The following TMEM161A variants were observed in gnomAD, a reference collection of about 807,000 sequenced individuals.
TMEM161A encodes adaptive response to oxidative stress protein 29.
In TMEM161A, 46 loss-of-function variants were observed where a neutral mutation model predicts 57.1. That is an observed-to-expected ratio of 0.81 (90% CI 0.64 to 1.03). The LOEUF (loss-of-function observed/expected upper bound fraction) is 1.03. TMEM161A is among the 50% of genes least tolerant of loss of function. The pLI is 0.00. For synonymous variants in TMEM161A, 288 were observed against 279.0 expected (o/e 1.03, Z -0.32); for missense variants, 601 against 621.5 (o/e 0.97, Z 0.35).
chr19:19,121,388 C>T lies in TMEM161A; in HGVS notation c.834G>A (p.Leu278=). 1 of 1,612,216 alleles carries T rather than the reference C, an allele frequency of 6.2e-7. No homozygotes were observed. Among genetic ancestry groups the T allele is most frequent in the Non-Finnish European group, 8.5e-7 (1 of 1,179,242 alleles). Residue 278 remains leucine, a synonymous_variant, in exon 9 of 12, where the codon CTG becomes CTA. Coordinates refer to ENST00000162044, the MANE Select transcript of TMEM161A (RefSeq NM_017814.3). This position sits in a 1 kb window ranked among gnomAD's most constrained non-coding sequence, Gnocchi z 5.8. The part of the protein sequence containing the change: ...FLLHTSFLSP[L]FILWLWTKPI... ...GCTTTGTCCAGAGCCACAGGATGAA[C>T]AGGGGAGACAGGAAGCTGGTGTGCA...
In TMEM161A at chr19:19,132,677, A is replaced by T; in HGVS notation, c.266T>A (p.Leu89His). The change falls in exon 4 of 12, where the codon CTC becomes CAC. Residue 89 changes from leucine to histidine, a missense_variant. Coordinates refer to ENST00000162044, the MANE Select transcript of TMEM161A (RefSeq NM_017814.3). This position sits in a 1 kb window ranked among gnomAD's most constrained non-coding sequence, Gnocchi z 4.3. Reference protein sequence around the residue: ...DAPFQLETCPLTTVDALVLRF... With the variant: ...DAPFQLETCPHTTVDALVLRF... ...ATTACCCAGGGCATCCACGGTCGTG[A>T]GGGGGCAGGTCTCCAGCTGGAACGG... 1 of 1,576,178 alleles carries T rather than the reference A, an allele frequency of 6.3e-7. No individual in the cohort carries two copies. Among genetic ancestry groups the T allele is most frequent in the Non-Finnish European group, 8.6e-7 (1 of 1,160,216 alleles).
chr19:19,121,001 G>T lies in TMEM161A; in HGVS notation c.1080C>A (p.Ile360=). The T allele has an allele frequency of 6.2e-7, 1 of 1,607,142 alleles. No homozygotes were observed. Among genetic ancestry groups the T allele is most frequent in the Non-Finnish European group, 8.5e-7 (1 of 1,176,310 alleles). The change falls in exon 10 of 12, where the codon ATC becomes ATA. Residue 360 remains isoleucine, a synonymous_variant. Coordinates refer to ENST00000162044, the MANE Select transcript of TMEM161A (RefSeq NM_017814.3). This position sits in a 1 kb window ranked among gnomAD's most constrained non-coding sequence, Gnocchi z 5.8. ...ATCGGGGCGTCCATACCCTCTGCTG[G>T]ATTTCACGGGCTTCGATGCGGCCAG... is the stretch of plus-strand genomic sequence containing the variant. The part of the protein sequence containing the change: ...REAGRIEARE[I]QQRVVRVYCY...
At position 19,138,431 on chromosome 19, in the gene TMEM161A, C is replaced by A. The variant is rs759675570; in HGVS notation, c.-3G>T. 3 of 1,603,038 alleles carry A rather than the reference C, an allele frequency of 1.9e-6. No homozygotes were observed. In the African/African-American group the frequency reaches 4.0e-5, roughly 21 times the overall value. ...TTCGCGGGACGCTCGCTCACCATGA[C>A]GCGTGCGAGAACGCGGTGCACTCAC... On this transcript the variant is annotated 5_prime_UTR_variant, in exon 1 of 12. Coordinates refer to ENST00000162044, the MANE Select transcript of TMEM161A (RefSeq NM_017814.3).
chr19:19,121,428 G>A lies in TMEM161A; in HGVS notation c.801-7C>T, dbSNP rs1461208583. 5 of 1,613,762 alleles carry A rather than the reference G, an allele frequency of 3.1e-6. No homozygotes were observed. Among genetic ancestry groups the A allele is most frequent in the Non-Finnish European group, 1.7e-6 (2 of 1,179,818 alleles). ...GCTGGTGTGCAGGAGGAACCTGGGG[G>A]GTGAGGGCAGGAGGGAGTGAGGCCT... is the stretch of plus-strand genomic sequence containing the variant. On this transcript the variant is annotated splice_polypyrimidine_tract_variant and splice_region_variant and intron_variant, in intron 8 of 11. Transcript: ENST00000162044. This position sits in a 1 kb window ranked among gnomAD's most constrained non-coding sequence, Gnocchi z 5.8.
In TMEM161A at chr19:19,121,849, A is replaced by C; in HGVS notation, c.596-30T>G. On this transcript the variant is annotated intron_variant, in intron 6 of 11. Coordinates refer to ENST00000162044, the MANE Select transcript of TMEM161A (RefSeq NM_017814.3). This position sits in a 1 kb window ranked among gnomAD's most constrained non-coding sequence, Gnocchi z 5.8. The stretch of plus-strand genomic sequence containing the variant: ...GGACGATAAGAAGAGGACCGAGTAG[A>C]GTGAATTCCTAGGGTCTCTAAGGCC... The C allele has an allele frequency of 6.2e-7, 1 of 1,612,310 alleles. No homozygotes were observed. The highest frequency in any genetic ancestry group is 8.5e-7 in the Non-Finnish European group (1 of 1,179,508).
At chr19:19,130,105 T>A in intron 6 of TMEM161A, 51 bp downstream of exon 6, 1 of 1,604,274 alleles carries the variant, frequency 6.2e-7, no homozygotes, top group East Asian at 2.2e-5. Flanking sequence ...TTGGTCAGAT[T>A]ACATGAGGGA....
intron 6 of TMEM161A, among the ~76,000 whole-genome samples, chr19:19,123,640 A>G (rs1166440034): frequency 6.6e-6 from 1 of 152,238 alleles, no homozygotes; most frequent in Non-Finnish European, 1.5e-5. Flanking sequence ...TTAAAGGATG[A>G]CATACCTTGA....
chr19:19,120,258 G>T, intron 11 of TMEM161A, 75 bp from the exon 12 acceptor site: 1 of 1,289,034 alleles, frequency 7.8e-7, no homozygotes, highest in Non-Finnish European at 1.0e-6. Context: ...GGCACGGGGG[G>T]CCAGGCCCAT....
In TMEM161A at chr19:19,132,996, G is replaced by A. The variant is rs1049388871; in HGVS notation, c.188+134C>T. The A allele has an allele frequency of 1.2e-6, 1 of 814,350 alleles. No homozygotes were observed. Among genetic ancestry groups the A allele is most frequent in the Non-Finnish European group, 1.9e-6 (1 of 519,260 alleles). 50.4% of individuals were successfully genotyped at this position (814,350 alleles called of 1,614,324 possible). A position where few individuals can be genotyped will look rare whatever the true frequency, so the allele number is the denominator to read the frequency against. On this transcript the variant is annotated intron_variant, in intron 3 of 11. Coordinates refer to ENST00000162044, the MANE Select transcript of TMEM161A (RefSeq NM_017814.3). The surrounding 1 kb of genome is among the most constrained non-coding windows in gnomAD (Gnocchi z 4.3). ...GACTAGGGTCTCCCGGTTCACCTGT[G>A]CCCAGATCAGCGCCTGGAAGTATGG...
rs1413253889 is a variant in TMEM161A, at chr19:19,120,122, G to A, written c.1248C>T (p.Ser416=). 7 of 1,567,526 alleles carry A rather than the reference G, an allele frequency of 4.5e-6. No homozygotes were observed. Among genetic ancestry groups the A allele is most frequent in the Non-Finnish European group, 6.1e-6 (7 of 1,156,372 alleles). Residue 416 remains serine (S), a synonymous_variant, in exon 12 of 12, where the codon AGC becomes AGT. Transcript: ENST00000162044. ...CCTCCCCAGAGCCGATGGGGGCAGCGCTGGCTGAGGATGGGTCGGGGGATA... is the reference window on the plus strand; with the variant it reads ...CCTCCCCAGAGCCGATGGGGGCAGCACTGGCTGAGGATGGGTCGGGGGATA... ...PLLSPDPSSA[S]AAPIGSGEDE... is the part of the protein sequence containing the mutation.
At position 19,121,045 on chromosome 19, in the gene TMEM161A, C is replaced by G; in HGVS notation, c.1036G>C (p.Glu346Gln). The G allele has an allele frequency of 6.2e-7, 1 of 1,611,492 alleles. No individual in the cohort carries two copies. The highest frequency in any genetic ancestry group is 8.5e-7 in the Non-Finnish European group (1 of 1,179,136). ...CGGCCAGCCTCCCTTCGCAGCTGCT[C>G]CACCCGGGCCTTGGCCAGGCACAGG... ...AYLCLAKARV[E>Q]QLRREAGRIE... Residue 346 changes from glutamate (E) to glutamine (Q), a missense_variant, in exon 10 of 12, where the codon GAG becomes CAG. Coordinates refer to ENST00000162044, the MANE Select transcript of TMEM161A (RefSeq NM_017814.3). The surrounding 1 kb of genome is among the most constrained non-coding windows in gnomAD (Gnocchi z 5.8).
intron 3 of TMEM161A, 56 bp downstream of exon 3, chr19:19,133,074 C>A: frequency 1.3e-6 from 2 of 1,544,946 alleles, no homozygotes; most frequent in Non-Finnish European, 1.8e-6. Context: ...GGGGTGAGGC[C>A]GTTCCTGGGG....
Position 19,121,009 on chromosome 19 carries a change from G to C in TMEM161A, c.1072C>G (p.Arg358Gly), listed in dbSNP as rs2059906783. 1 of 1,607,452 alleles carries C rather than the reference G, an allele frequency of 6.2e-7. No individual in the cohort carries two copies. The highest frequency in any genetic ancestry group is 8.5e-7 in the Non-Finnish European group (1 of 1,176,412). The change falls in exon 10 of 12, where the codon CGT becomes GGT. Residue 358 changes from arginine (R) to glycine (G), a missense_variant. By Grantham distance (125) the Arg-to-Gly change is moderately radical. Transcript: ENST00000162044. The surrounding 1 kb of genome is among the most constrained non-coding windows in gnomAD (Gnocchi z 5.8). ...LRREAGRIEAREIQQRVVRVY... is the reference protein window; with the variant it reads ...LRREAGRIEAGEIQQRVVRVY... ...GTCCATACCCTCTGCTGGATTTCACGGGCTTCGATGCGGCCAGCCTCCCTT... is the reference window on the plus strand; with the variant it reads ...GTCCATACCCTCTGCTGGATTTCACCGGCTTCGATGCGGCCAGCCTCCCTT...
At position 19,121,833 on chromosome 19, in the gene TMEM161A, G is replaced by A; in HGVS notation, c.596-14C>T. 1 of 1,613,444 alleles carries A rather than the reference G, an allele frequency of 6.2e-7. No individual in the cohort carries two copies. On this transcript the variant is annotated splice_polypyrimidine_tract_variant and intron_variant, in intron 6 of 11. Transcript: ENST00000162044. The surrounding 1 kb of genome is among the most constrained non-coding windows in gnomAD (Gnocchi z 5.8). ...TGCTGGCCAGACCTGGGGACGATAA[G>A]AAGAGGACCGAGTAGAGTGAATTCC...
At chr19:19,133,108 G>A (rs762072439) in intron 3 of TMEM161A, 22 bp downstream of exon 3, 425 of 1,610,380 alleles carry the variant, frequency 2.6e-4, no homozygotes, top group Non-Finnish European at 1.4e-4. Flanking sequence ...CCAAGGCTGG[G>A]GCTGGGGCCC....
chr19:19,132,935 GAAACAGATGC>G lies in TMEM161A; in HGVS notation c.188+185_189-182del, dbSNP rs770941344. 466 of 715,904 alleles carry G rather than the reference GAAACAGATGC, an allele frequency of 6.5e-4. 5 individuals carry two copies. The South Asian group carries it at 8.7e-3, about 13-fold the overall frequency. The allele number at this position is 715,904 out of a possible 1,614,324, so 44.3% of individuals were successfully genotyped here. ...AGGACTGGCTAGAGCAAACTGCCAGGAAACAGATGCTAACTTGACAGTGACCATCTCCTTG... is the reference window on the plus strand; with the variant it reads ...AGGACTGGCTAGAGCAAACTGCCAGGTAACTTGACAGTGACCATCTCCTTG... On this transcript the variant is annotated intron_variant, in intron 3 of 11. Transcript: ENST00000162044. The surrounding 1 kb of genome is among the most constrained non-coding windows in gnomAD (Gnocchi z 4.3).
rs2059913299 is a variant in TMEM161A, at chr19:19,121,972, T to C, written c.596-153A>G. ...GGCCCTGAGCCAGGCACAAGGACAA[T>C]TTTGTGCTCTAGTTACACAGTACTT... On this transcript the variant is annotated intron_variant, in intron 6 of 11. Transcript: ENST00000162044. The surrounding 1 kb of genome is among the most constrained non-coding windows in gnomAD (Gnocchi z 5.8). 6.6e-6 allele frequency among the ~76,000 whole-genome samples: 1 copy of C among 152,100 alleles called. No homozygotes were observed. Among genetic ancestry groups the C allele is most frequent in the Admixed American group, 6.6e-5 (1 of 15,264 alleles).
intron 11 of TMEM161A, among the ~76,000 whole-genome samples, chr19:19,120,398 C>T (rs2059902976): frequency 6.6e-6 from 1 of 151,854 alleles, no homozygotes; most frequent in Admixed American, 6.6e-5. Context: ...TGCCTCAATA[C>T]ATGCCCTGCC....
At chr19:19,136,392 G>C (rs1045365164) in intron 1 of TMEM161A, among the ~76,000 whole-genome samples, 1 of 152,046 alleles carries the variant, frequency 6.6e-6, no homozygotes, top group South Asian at 2.1e-4. Context: ...GCGGTGGCTC[G>C]TGCCTGTAAT....
Sources: gnomAD v4.1 joint callset for allele counts (sites outside exome capture counted in the v4.1 genomes callset) on GRCh38, gnomAD v4.1.1 for gene constraint, Gnocchi (gnomAD v3.1) non-coding constraint, MANE v1.5 for transcripts, NCBI Gene and HGNC (gene_info 2026-07-23, HGNC 2026-07-21) for gene names.